ADGRL3: variants seen among roughly 807,000 people sequenced by gnomAD.
ADGRL3 encodes the protein adhesion G protein-coupled receptor L3, also known as calcium-independent alpha-latrotoxin receptor 3.
ADGRL3 carries 62 observed loss-of-function variants against 153.5 expected under a neutral mutation model. That is an observed-to-expected ratio of 0.40 (90% CI 0.33 to 0.50). ADGRL3 has a LOEUF of 0.50. Ranked by LOEUF, ADGRL3 falls within the 20% of genes least tolerant of loss-of-function variation. The pLI is 0.47. For missense variants in ADGRL3, 1,641 were observed against 1,859.4 expected (o/e 0.88, Z 2.16); for synonymous variants, 710 against 672.5 (o/e 1.06, Z -0.86).
At chr4:61,610,070 G>A (rs1199244242) in intron 5 of ADGRL3, among the ~76,000 whole-genome samples, 1 of 151,660 alleles carries the variant, frequency 6.6e-6, no homozygotes, top group Non-Finnish European at 1.5e-5. Context: ...TGGAATGTGT[G>A]TATGAAGTCT....
intron 1 of ADGRL3, among the ~76,000 whole-genome samples, chr4:61,275,232 G>A (rs1462732963): frequency 6.6e-6 from 1 of 152,060 alleles, no homozygotes; most frequent in Non-Finnish European, 1.5e-5. Flanking sequence ...TCACTCTTTT[G>A]TATTATCAGA....
At chr4:61,791,641 T>G (rs1391800437) in intron 8 of ADGRL3, among the ~76,000 whole-genome samples, 1 of 152,220 alleles carries the variant, frequency 6.6e-6, no homozygotes. Context: ...AGGGACTTTG[T>G]GTGGAGTTCC....
chr4:61,435,385 G>T (rs1244946408), intron 2 of ADGRL3, among the ~76,000 whole-genome samples: 2 of 151,916 alleles, frequency 1.3e-5, no homozygotes, highest in East Asian at 3.9e-4. Flanking sequence ...TAAAAGTAAA[G>T]GTCTCTTCCT....
intron 8 of ADGRL3, among the ~76,000 whole-genome samples, chr4:61,802,258 A>C (rs2097506921): frequency 6.6e-6 from 1 of 152,156 alleles, no homozygotes; most frequent in African/African-American, 2.4e-5. Flanking sequence ...AATATCAGTG[A>C]AGTTGCTTTT....
intron 11 of ADGRL3, among the ~76,000 whole-genome samples, chr4:61,898,895 G>A (rs1175401104): frequency 2.6e-5 from 4 of 152,116 alleles, no homozygotes; most frequent in Non-Finnish European, 4.4e-5. Context: ...AGGATTACAG[G>A]AGTGAGCCAC....
chr4:61,548,089 G>A (rs1344904418), intron 4 of ADGRL3, among the ~76,000 whole-genome samples: 1 of 152,038 alleles, frequency 6.6e-6, no homozygotes, highest in Non-Finnish European at 1.5e-5. Flanking sequence ...CTTATTTTGA[G>A]AAGTCTGTTC....
chr4:61,394,791 T>G (rs2096851522), intron 2 of ADGRL3, among the ~76,000 whole-genome samples: 2 of 152,048 alleles, frequency 1.3e-5, no homozygotes, highest in South Asian at 2.1e-4. Context: ...ATTTAATTCC[T>G]GGGGAGTATA....
chr4:61,725,359 T>C (rs1180860771), intron 6 of ADGRL3, among the ~76,000 whole-genome samples: 1 of 152,046 alleles, frequency 6.6e-6, no homozygotes, highest in African/African-American at 2.4e-5. Flanking sequence ...ATGCCTGTAA[T>C]CCCAGCACTT....
intron 9 of ADGRL3, among the ~76,000 whole-genome samples, chr4:61,888,873 A>C (rs752220582): frequency 1.3e-5 from 2 of 152,208 alleles, no homozygotes; most frequent in Non-Finnish European, 2.9e-5. Context: ...AGATAGGATC[A>C]TTTGGGGGAG....
chr4:61,447,201 A>G (rs1408599990), intron 2 of ADGRL3, among the ~76,000 whole-genome samples: 1 of 151,976 alleles, frequency 6.6e-6, no homozygotes, highest in African/African-American at 2.4e-5. Context: ...TGACTCTTGC[A>G]TTTTTTACAT....
intron 5 of ADGRL3, among the ~76,000 whole-genome samples, chr4:61,605,089 C>CAAAAAAAAAA (rs71211396): frequency 3.3e-5 from 2 of 61,426 alleles, no homozygotes; most frequent in African/African-American, 1.3e-4. Flanking sequence ...GACTCTGTCT[C>CAAAAAAAAAA]AAAAAAAAAA....
chr4:61,474,028 GAA>G (rs914527124), intron 2 of ADGRL3, among the ~76,000 whole-genome samples: 1 of 149,198 alleles, frequency 6.7e-6, no homozygotes, highest in Non-Finnish European at 1.5e-5. Flanking sequence ...CTTTGCAGAG[GAA>G]AAAAAAAATC....
chr4:61,668,719 C>CA (rs1021872705), intron 5 of ADGRL3, among the ~76,000 whole-genome samples: 94 of 151,804 alleles, frequency 6.2e-4, no homozygotes, highest in African/African-American at 2.2e-3. Context: ...ACAATTTTCT[C>CA]AAAAAAAAAA....
intron 1 of ADGRL3, among the ~76,000 whole-genome samples, chr4:61,263,988 T>C (rs2149655774): frequency 6.6e-6 from 1 of 152,080 alleles, no homozygotes; most frequent in South Asian, 2.1e-4. Flanking sequence ...TATCCTTGAT[T>C]ATCTGTGTGG....
intron 1 of ADGRL3, among the ~76,000 whole-genome samples, chr4:61,326,548 A>AT (rs569422048): frequency 4.2e-4 from 58 of 137,722 alleles, no homozygotes; most frequent in South Asian, 6.9e-4. Context: ...TAATATTGTG[A>AT]TTTTTTTTTT....
intron 1 of ADGRL3, among the ~76,000 whole-genome samples, chr4:61,229,571 T>C (rs943286901): frequency 2.0e-5 from 3 of 152,108 alleles, no homozygotes; most frequent in African/African-American, 2.4e-5. Context: ...TGGGTATCTT[T>C]AATTTTGTAA....
chr4:61,573,043 A>G (rs767915137), intron 4 of ADGRL3, among the ~76,000 whole-genome samples: 1 of 152,122 alleles, frequency 6.6e-6, no homozygotes, highest in Admixed American at 6.6e-5. Context: ...TAGGACCTAC[A>G]TAACAGTTAC....
intron 2 of ADGRL3, among the ~76,000 whole-genome samples, chr4:61,495,510 G>A (rs2098305005): frequency 6.6e-6 from 1 of 151,458 alleles, no homozygotes; most frequent in Non-Finnish European, 1.5e-5. Flanking sequence ...GGAAGGGAAG[G>A]AAGGGGAAGG....
chr4:61,432,490 T>A (rs1038147321), intron 2 of ADGRL3, among the ~76,000 whole-genome samples: 5 of 151,846 alleles, frequency 3.3e-5, no homozygotes, highest in African/African-American at 1.2e-4. Flanking sequence ...TTGGCATAGG[T>A]ATGAAGTTGC....
Sources: allele counts gnomAD v4.1 joint callset (sites outside exome capture counted in the v4.1 genomes callset), GRCh38; gene constraint gnomAD v4.1.1; transcripts MANE v1.5; gene names NCBI Gene and HGNC (gene_info 2026-07-23, HGNC 2026-07-21).